Variants in KCTD8 observed in about 807,000 individuals in gnomAD.
The protein encoded by KCTD8 is BTB/POZ domain-containing protein KCTD8.
A neutral mutation model predicts 31.5 loss-of-function variants in KCTD8; 27 were observed. The observed-to-expected ratio is 0.86, with a 90% CI of 0.63 to 1.18. The LOEUF is 1.18. KCTD8 is among the 50% of genes most tolerant of loss of function. The probability of loss-of-function intolerance (pLI) is 0.00; values close to 1 mark genes in which losing one functional copy is unlikely to be tolerated. For missense variants in KCTD8, 658 were observed against 647.7 expected (o/e 1.02, Z -0.17); for synonymous variants, 290 against 280.0 (o/e 1.04, Z -0.36).
chr4:44,400,848 TA>T (rs758823934), intron 1 of KCTD8, among the ~76,000 whole-genome samples: 13 of 151,548 alleles, frequency 8.6e-5, no homozygotes, highest in African/African-American at 1.5e-4. Flanking sequence ...TTTAAAGTAA[TA>T]TTTTTTTTTT....
intron 1 of KCTD8, among the ~76,000 whole-genome samples, chr4:44,267,989 T>A (rs1463918144): frequency 2.6e-5 from 4 of 152,148 alleles, no homozygotes; most frequent in African/African-American, 9.7e-5. Context: ...TACCATTCCT[T>A]CTGAAACTAT....
chr4:44,244,918 T>A (rs1304470481), intron 1 of KCTD8, among the ~76,000 whole-genome samples: 1 of 151,980 alleles, frequency 6.6e-6, no homozygotes, highest in Non-Finnish European at 1.5e-5. Flanking sequence ...CTCTTGTTAA[T>A]CTGTCTTTTA....
intron 1 of KCTD8, among the ~76,000 whole-genome samples, chr4:44,379,507 T>G (rs1720004939): frequency 6.6e-6 from 1 of 152,112 alleles, no homozygotes; most frequent in Admixed American, 6.6e-5. Context: ...TTGGAAATTT[T>G]GTGCAAATCA....
intron 1 of KCTD8, among the ~76,000 whole-genome samples, chr4:44,319,517 G>T (rs1718232706): frequency 6.6e-6 from 1 of 151,750 alleles, no homozygotes; most frequent in African/African-American, 2.4e-5. Flanking sequence ...AAAAGAAGCT[G>T]GGATTACAGT....
chr4:44,246,279 C>A (rs1382056831), intron 1 of KCTD8, among the ~76,000 whole-genome samples: 1 of 151,992 alleles, frequency 6.6e-6, no homozygotes, highest in East Asian at 1.9e-4. Context: ...GAATTGAAGT[C>A]ATTAGGTTTG....
rs534078077 is a variant in KCTD8, at chr4:44,182,976, C to A, written c.962-7726G>T. Among the ~76,000 whole-genome samples the A allele has an allele frequency of 5.7e-4, 87 of 152,228 alleles. No individual in the cohort carries two copies. In the Middle Eastern group the frequency reaches 0.01, roughly 18 times the overall value. On this transcript the variant is annotated intron_variant, in intron 1 of 1. Coordinates refer to ENST00000360029, the MANE Select transcript of KCTD8 (RefSeq NM_198353.3). Reference sequence around the variant, plus strand: ...TATAAATGCCGAAAAATGTTAATTACTATTATTCAATGTAAATATCCATGT... The same window carrying A: ...TATAAATGCCGAAAAATGTTAATTAATATTATTCAATGTAAATATCCATGT...
chr4:44,371,027 A>T (rs1719770348), intron 1 of KCTD8, among the ~76,000 whole-genome samples: 2 of 152,080 alleles, frequency 1.3e-5, no homozygotes, highest in South Asian at 4.1e-4. Flanking sequence ...GCAGTGGTGA[A>T]ATTCAGACTG....
At chr4:44,300,141 T>C (rs1307675848) in intron 1 of KCTD8, among the ~76,000 whole-genome samples, 1 of 152,120 alleles carries the variant, frequency 6.6e-6, no homozygotes, top group African/African-American at 2.4e-5. Flanking sequence ...TACAGAGGTG[T>C]AGAATAACAT....
intron 1 of KCTD8, among the ~76,000 whole-genome samples, chr4:44,192,085 C>T (rs1055492095): frequency 5.3e-5 from 8 of 152,092 alleles, no homozygotes; most frequent in East Asian, 1.9e-4. Flanking sequence ...TCAGACTGGC[C>T]GACACTTAGG....
intron 1 of KCTD8, among the ~76,000 whole-genome samples, chr4:44,257,235 T>C (rs1283361336): frequency 6.6e-6 from 1 of 151,982 alleles, no homozygotes; most frequent in Non-Finnish European, 1.5e-5. Flanking sequence ...AATAATAGGT[T>C]AAAATATAAA....
intron 1 of KCTD8, among the ~76,000 whole-genome samples, chr4:44,310,320 CAA>C (rs1325176797): frequency 6.6e-6 from 1 of 151,870 alleles, no homozygotes. Context: ...ATTTCTAGGC[CAA>C]GAAACACTAA....
At chr4:44,220,119 T>A (rs1323942160) in intron 1 of KCTD8, among the ~76,000 whole-genome samples, 1 of 152,120 alleles carries the variant, frequency 6.6e-6, no homozygotes, top group Non-Finnish European at 1.5e-5. Context: ...TTTATATTAA[T>A]CCCAATGTTG....
chr4:44,409,934 G>A (rs1482310835), intron 1 of KCTD8, among the ~76,000 whole-genome samples: 1 of 151,962 alleles, frequency 6.6e-6, no homozygotes, highest in African/African-American at 2.4e-5. Flanking sequence ...AGCATACTGG[G>A]GCTTTTATTG....
chr4:44,444,821 C>A (rs60447601), intron 1 of KCTD8, among the ~76,000 whole-genome samples: 33,256 of 151,210 alleles, frequency 0.22, 3,868 homozygotes, highest in East Asian at 0.32. Flanking sequence ...AACATTGATG[C>A]TCAAGTGTGT....
At chr4:44,321,554 A>G (rs1336464866) in intron 1 of KCTD8, among the ~76,000 whole-genome samples, 2 of 152,170 alleles carry the variant, frequency 1.3e-5, no homozygotes, top group African/African-American at 4.8e-5. Context: ...TAATAATCCA[A>G]TCAGGATAAC....
intron 1 of KCTD8, among the ~76,000 whole-genome samples, chr4:44,415,925 G>C (rs1721070112): frequency 6.6e-6 from 1 of 152,160 alleles, no homozygotes; most frequent in South Asian, 2.1e-4. Context: ...TGTGAGAAGG[G>C]GGCTGCCATC....
At chr4:44,419,062 A>G (rs1721146191) in intron 1 of KCTD8, among the ~76,000 whole-genome samples, 1 of 152,176 alleles carries the variant, frequency 6.6e-6, no homozygotes, top group South Asian at 2.1e-4. Context: ...TTCTGGGAAA[A>G]TGGTGGTAGC....
intron 1 of KCTD8, among the ~76,000 whole-genome samples, chr4:44,221,443 T>C (rs796766528): frequency 2.0e-5 from 3 of 151,786 alleles, no homozygotes; most frequent in Non-Finnish European, 2.9e-5. Context: ...ATAGGATAGA[T>C]GTATATATGA....
intron 1 of KCTD8, among the ~76,000 whole-genome samples, chr4:44,207,734 T>C (rs1399853721): frequency 6.6e-6 from 1 of 152,220 alleles, no homozygotes; most frequent in Non-Finnish European, 1.5e-5. Context: ...CCTGCCAGTA[T>C]ATGACACCTC....
Sources: gnomAD v4.1 joint callset for allele counts (sites outside exome capture counted in the v4.1 genomes callset) on GRCh38, gnomAD v4.1.1 for gene constraint, MANE v1.5 for transcripts, NCBI Gene and HGNC (gene_info 2026-07-23, HGNC 2026-07-21) for gene names.